ADGRG3: variants seen among roughly 807,000 people sequenced by gnomAD.
ADGRG3 encodes the protein G protein-coupled receptor 97.
In ADGRG3, 39 loss-of-function variants were observed where a neutral mutation model predicts 54.3. The ratio of observed to expected loss-of-function variants is 0.72; its 90% CI spans 0.56 to 0.94. The LOEUF (loss-of-function observed/expected upper bound fraction) is 0.94. Ranked by LOEUF, ADGRG3 falls within the 40% of genes least tolerant of loss-of-function variation. ADGRG3 has a pLI of 0.00. For missense variants in ADGRG3, 654 were observed against 694.6 expected, an observed-to-expected ratio of 0.94 and a Z score of 0.66; for synonymous variants, 312 against 290.0, an observed-to-expected ratio of 1.08 and a Z score of -0.77.
chr16:57,687,806 T>C (rs1296194696), intron 11 of ADGRG3, among the ~76,000 whole-genome samples: 2 of 152,214 alleles, frequency 1.3e-5, no homozygotes, highest in African/African-American at 4.8e-5. Flanking sequence ...CACTTCACTC[T>C]ACTAAGTTTC....
chr16:57,674,681 C>G (rs1306622627), intron 2 of ADGRG3: 1 of 409,258 alleles, frequency 2.4e-6, no homozygotes, highest in African/African-American at 2.1e-5. Context: ...AAACAAGTCT[C>G]CAAACAAAAG....
chr16:57,672,265 A>G (rs2048176786), intron 1 of ADGRG3, among the ~76,000 whole-genome samples: 1 of 151,744 alleles, frequency 6.6e-6, no homozygotes, highest in Non-Finnish European at 1.5e-5. Context: ...GGTGGCTCAC[A>G]CCTGTAATCC....
rs1299586992 is a variant in ADGRG3, at chr16:57,684,022, G to C, written c.972G>C (p.Leu324Phe). Residue 324 changes from leucine (L) to phenylalanine (F), a missense_variant, in exon 9 of 12, where the codon TTG (leucine) becomes TTC (phenylalanine). Coordinates refer to ENST00000333493, the MANE Select transcript of ADGRG3 (RefSeq NM_170776.5). ...TGTTCCTCCTGAATCTGGCCTTCTT[G>C]GTCAATGTGGGGAGTGGCTCAAAGG... ...GSLFLLNLAFLVNVGSGSKGS... is the reference protein window; with the variant it reads ...GSLFLLNLAFFVNVGSGSKGS... 1.2e-6 allele frequency: 2 copies of C among 1,612,544 alleles called. No individual in the cohort carries two copies. The highest frequency in any genetic ancestry group is 2.2e-5 in the South Asian group (2 of 90,990).
At position 57,673,430 on chromosome 16, in the gene ADGRG3, G is replaced by A. The variant is rs764499845; in HGVS notation, c.168G>A (p.Gln56=). 9 of 1,611,846 alleles carry A rather than the reference G, an allele frequency of 5.6e-6. No individual in the cohort carries two copies. Among genetic ancestry groups the A allele is most frequent in the Non-Finnish European group, 7.6e-6 (9 of 1,177,958 alleles). The change falls in exon 2 of 12, where the codon CAG becomes CAA. Residue 56 remains glutamine, a synonymous_variant. Coordinates refer to ENST00000333493, the MANE Select transcript of ADGRG3 (RefSeq NM_170776.5). ...DKALCFTKCR[Q]SGSDSCNVEN... ...CTTTGTGCTTCACCAAGTGCAGGCA[G>A]TCGGGCAGCGACTCCTGCAATGTGG...
chr16:57,671,367 G>A (rs2148693976), intron 1 of ADGRG3, among the ~76,000 whole-genome samples: 1 of 125,330 alleles, frequency 8.0e-6, no homozygotes, highest in African/African-American at 3.2e-5. Context: ...TCGAGACAGA[G>A]TCTCTCTTTG....
chr16:57,668,392 G>A lies in ADGRG3; in HGVS notation c.45G>A (p.Leu15=). 1 of 1,574,110 alleles carries A rather than the reference G, an allele frequency of 6.4e-7. No homozygotes were observed. The highest frequency in any genetic ancestry group is 8.6e-7 in the Non-Finnish European group (1 of 1,167,626). The change falls in exon 1 of 12, where the codon CTG becomes CTA. Residue 15 remains leucine (L), a synonymous_variant. Transcript: ENST00000333493. The part of the protein sequence containing the change: ...RGLGALLLLL[L]LPTSGQEKPT... ...TGGGGGCCCTGCTCCTGCTCCTCCT[G>A]CTCCCGACCTCAGGTGAGTGGCTGG...
intron 8 of ADGRG3, chr16:57,682,456 A>T (rs2048391405): frequency 1.0e-6 from 1 of 983,140 alleles, no homozygotes; most frequent in Admixed American, 6.2e-5. Flanking sequence ...CATGAGTGTA[A>T]ATGGTGCCCC....
intron 3 of ADGRG3, 106 bp downstream of exon 3, chr16:57,676,444 C>G (rs909490181): frequency 4.8e-6 from 5 of 1,051,750 alleles, no homozygotes; most frequent in Non-Finnish European, 6.9e-6. Flanking sequence ...TAGGGCTTGT[C>G]CCTCCCCCAC....
intron 5 of ADGRG3, among the ~76,000 whole-genome samples, chr16:57,679,586 C>G (rs1460359336): frequency 1.3e-5 from 2 of 152,144 alleles, no homozygotes; most frequent in African/African-American, 4.8e-5. Context: ...TGCAGACAGG[C>G]AAACCCTCCT....
At chr16:57,667,543 C>T (rs532929584), upstream of ADGRG3, among the ~76,000 whole-genome samples, 6 of 152,392 alleles carry the variant, frequency 3.9e-5, no homozygotes, top group South Asian at 2.1e-4. Flanking sequence ...CAGGCGGCTC[C>T]GCCTGCGTCA....
Position 57,679,326 on chromosome 16 carries a change from C to A in ADGRG3, c.627+15C>A. On this transcript the variant is annotated intron_variant, in intron 5 of 11. Coordinates refer to ENST00000333493, the MANE Select transcript of ADGRG3 (RefSeq NM_170776.5). Reference sequence around the variant, plus strand: ...GACCGCCCCCTGTGAGTCCCCTGCTCAGGCCTGGCAGCCACTGCAGGGCAG... The same window carrying A: ...GACCGCCCCCTGTGAGTCCCCTGCTAAGGCCTGGCAGCCACTGCAGGGCAG... The A allele has an allele frequency of 6.2e-7, 1 of 1,613,266 alleles. No homozygotes were observed.
Position 57,670,927 on chromosome 16 carries a change from A to T in ADGRG3, c.59-2394A>T, listed in dbSNP as rs751852870. 2.6e-5 allele frequency among the ~76,000 whole-genome samples: 4 copies of T among 152,204 alleles called. No individual in the cohort carries two copies. In the South Asian group the frequency reaches 8.3e-4, roughly 32 times the overall value. The stretch of plus-strand genomic sequence containing the variant: ...GGGAGGGAAATAAAAAATGGAAAGC[A>T]GATGAGCCCCTGCCCGCCTCAGCCC... On this transcript the variant is annotated intron_variant, in intron 1 of 11. Coordinates refer to ENST00000333493, the MANE Select transcript of ADGRG3 (RefSeq NM_170776.5).
intron 1 of ADGRG3, among the ~76,000 whole-genome samples, chr16:57,670,098 G>A (rs1317058651): frequency 6.6e-6 from 1 of 152,154 alleles, no homozygotes; most frequent in Non-Finnish European, 1.5e-5. Flanking sequence ...CATGCGGGGT[G>A]GGGGCAAATG....
chr16:57,685,710 A>C lies in ADGRG3; in HGVS notation c.1324A>C (p.Thr442Pro). ...CACCGTCCACGGCTACTTCCTCATC[A>C]CCTTCCTCTTTGGCATGGTGGTCCT... is the stretch of plus-strand genomic sequence containing the variant. The part of the protein sequence containing the change: ...YITVHGYFLI[T>P]FLFGMVVLAL... The change falls in exon 11 of 12, where the codon ACC becomes CCC. Residue 442 changes from threonine to proline, a missense_variant. Transcript: ENST00000333493. 2 of 1,613,826 alleles carry C rather than the reference A, an allele frequency of 1.2e-6. No homozygotes were observed. Among genetic ancestry groups the C allele is most frequent in the Non-Finnish European group, 1.7e-6 (2 of 1,179,960 alleles).
At position 57,678,174 on chromosome 16, in the gene ADGRG3, C is replaced by G. The variant is rs142561496; in HGVS notation, c.350C>G (p.Pro117Arg). 4 of 1,613,978 alleles carry G rather than the reference C, an allele frequency of 2.5e-6. No individual in the cohort carries two copies. Among genetic ancestry groups the G allele is most frequent in the South Asian group, 2.2e-5 (2 of 91,066 alleles). ...CTGCTGTGTCTGTGGTTGTAGGTTCCGAGGCAGGTGATGAAGGACGAGGAC... is the reference window on the plus strand; with the variant it reads ...CTGCTGTGTCTGTGGTTGTAGGTTCGGAGGCAGGTGATGAAGGACGAGGAC... ...FYFSLEPSQVPRQVMKDEDKP... is the reference protein window; with the variant it reads ...FYFSLEPSQVRRQVMKDEDKP... The change falls in exon 4 of 12, where the codon CCG (proline) becomes CGG (arginine). Residue 117 changes from proline (P) to arginine (R), a missense_variant. By Grantham distance (103) the Pro-to-Arg change is moderately radical. Transcript: ENST00000333493.
chr16:57,678,783 T>C, intron 4 of ADGRG3: 1 of 325,054 alleles, frequency 3.1e-6, no homozygotes, highest in South Asian at 3.5e-5. Flanking sequence ...TGAGGGCTAG[T>C]GTGCTCCCCC....
intron 1 of ADGRG3, among the ~76,000 whole-genome samples, chr16:57,672,314 AC>A (rs1245570459): frequency 3.3e-4 from 50 of 151,816 alleles, no homozygotes; most frequent in Middle Eastern, 3.4e-3. Context: ...TCGCTTGAGG[AC>A]AGGAGTTCGA....
chr16:57,682,085 C>A (rs763628413), intron 8 of ADGRG3, among the ~76,000 whole-genome samples: 2 of 152,244 alleles, frequency 1.3e-5, no homozygotes, highest in Non-Finnish European at 2.9e-5. Flanking sequence ...GAACCCCTGG[C>A]CCCTGACTTA....
upstream of ADGRG3, among the ~76,000 whole-genome samples, chr16:57,667,671 C>T (rs546722183): frequency 4.6e-5 from 7 of 152,324 alleles, no homozygotes; most frequent in East Asian, 9.7e-4. Context: ...CCCCCGGGGC[C>T]GCACTGCTGT....
Sources: allele counts gnomAD v4.1 joint callset (sites outside exome capture counted in the v4.1 genomes callset), GRCh38; gene constraint gnomAD v4.1.1; transcripts MANE v1.5; gene names NCBI Gene and HGNC (gene_info 2026-07-23, HGNC 2026-07-21).